The following DHRS1 variants were observed in gnomAD, a reference collection of about 807,000 sequenced individuals.
DHRS1 encodes the protein dehydrogenase/reductase SDR family member 1.
Under a neutral mutation model 35.2 loss-of-function variants are expected in DHRS1, and 34 were observed. The ratio of observed to expected loss-of-function variants is 0.97; its 90% CI spans 0.74 to 1.29. The LOEUF (loss-of-function observed/expected upper bound fraction) is 1.29. Ranked by LOEUF, DHRS1 falls within the 50% of genes most tolerant of loss-of-function variation. The pLI is 0.00. For missense variants in DHRS1, 354 were observed against 403.6 expected (o/e 0.88, Z 1.05); for synonymous variants, 133 against 160.0 (o/e 0.83, Z 1.27).
chr14:24,294,589 A>AAACAAC (rs56905533), intron 4 of DHRS1: 19,061 of 150,346 alleles, frequency 0.13, 1,527 homozygotes, highest in East Asian at 0.43. Flanking sequence ...TTCCACCTCA[A>AAACAAC]AACAACAACA....
Position 24,291,130 on chromosome 14 carries a change from G to C in DHRS1, c.805+9C>G, listed in dbSNP as rs762131126. 1 of 1,614,060 alleles carries C rather than the reference G, an allele frequency of 6.2e-7. No homozygotes were observed. The highest frequency in any genetic ancestry group is 8.5e-7 in the Non-Finnish European group (1 of 1,180,012). On this transcript the variant is annotated intron_variant, in intron 8 of 8. Coordinates refer to ENST00000288111, the MANE Select transcript of DHRS1 (RefSeq NM_001136050.3). The stretch of plus-strand genomic sequence containing the variant: ...CAGTCAAGGCTGACTGCTGTGCCAG[G>C]GTCCTCACCGTCCACATCCCGAAGG...
In DHRS1 at chr14:24,292,262, C is replaced by G; in HGVS notation, c.576G>C (p.Trp192Cys). Residue 192 changes from tryptophan (W) to cysteine (C), a missense_variant, in exon 6 of 9, where the codon TGG becomes TGC. Coordinates refer to ENST00000288111, the MANE Select transcript of DHRS1 (RefSeq NM_001136050.3). Reference protein sequence around the residue: ...RRHGVSCVSLWPGIVQTELLK... With the variant: ...RRHGVSCVSLCPGIVQTELLK... ...GCAGTTCTGTCTGCACAATCCCCGG[C>G]CACAGAGACACACAGCTGACCCCAT... 6.2e-7 allele frequency: 1 copy of G among 1,614,190 alleles called. No individual in the cohort carries two copies. The highest frequency in any genetic ancestry group is 1.1e-5 in the South Asian group (1 of 91,080).
At chr14:24,297,621 T>C in intron 2 of DHRS1, among the ~76,000 whole-genome samples, 1 of 152,200 alleles carries the variant, frequency 6.6e-6, no homozygotes, top group South Asian at 2.1e-4. Context: ...ACACAAACCC[T>C]GTTCAAAATC....
Position 24,296,741 on chromosome 14 carries a change from G to C in DHRS1, c.291C>G (p.Val97=). Reference sequence around the variant, plus strand: ...GGGAACAAAGTTCAAAGGGTACCTGGACCCCTGCATAAGCATTGTTGACCA... The same window carrying C: ...GGGAACAAAGTTCAAAGGGTACCTGCACCCCTGCATAAGCATTGTTGACCA... The part of the protein sequence containing the change: ...DVLVNNAYAG[V]QTILNTRNKA... Residue 97 remains valine, a synonymous_variant, in exon 3 of 9, where the codon GTC becomes GTG. Transcript: ENST00000288111. 6.2e-7 allele frequency: 1 copy of C among 1,614,194 alleles called. No homozygotes were observed. The highest frequency in any genetic ancestry group is 8.5e-7 in the Non-Finnish European group (1 of 1,180,032).
intron 6 of DHRS1, chr14:24,291,882 T>C: frequency 3.3e-6 from 2 of 605,406 alleles, no homozygotes; most frequent in Non-Finnish European, 5.8e-6. Context: ...AAATAGTGTT[T>C]GGACCTTCTA....
At position 24,292,217 on chromosome 14, in the gene DHRS1, C is replaced by A; in HGVS notation, c.621G>T (p.Lys207Asn). The A allele has an allele frequency of 6.2e-7, 1 of 1,614,190 alleles. No homozygotes were observed. The highest frequency in any genetic ancestry group is 8.5e-7 in the Non-Finnish European group (1 of 1,180,034). ...ACACAGGATCCTGCAGGACCTCCTC[C>A]TTTGCCATATGCTCCTTCAGCAGTT... Reference protein sequence around the residue: ...QTELLKEHMAKEEVLQDPVLK... With the variant: ...QTELLKEHMANEEVLQDPVLK... Residue 207 changes from lysine (K) to asparagine (N), a missense_variant, in exon 6 of 9, where the codon AAG (lysine) becomes AAT (asparagine). Physicochemically the swap from Lys to Asn is moderately conservative, Grantham distance 94 (BLOSUM62 0). Transcript: ENST00000288111.
At position 24,299,728 on chromosome 14, in the gene DHRS1, G is replaced by A. The variant is rs562664879; in HGVS notation, c.-172C>T. On this transcript the variant is annotated 5_prime_UTR_variant, in exon 1 of 9. Coordinates refer to ENST00000288111, the MANE Select transcript of DHRS1 (RefSeq NM_001136050.3). ...CGGGGCGATTCTGTGCTGAGGTAGA[G>A]GGGCAGAGTCCCAGGCCAAAGTTAG... 1 of 513,178 alleles carries A rather than the reference G, an allele frequency of 1.9e-6. No homozygotes were observed. Among genetic ancestry groups the A allele is most frequent in the Non-Finnish European group, 3.4e-6 (1 of 292,354 alleles). The allele number at this position is 513,178 out of a possible 1,614,324, so 31.8% of individuals were successfully genotyped here. A position where few individuals can be genotyped will look rare whatever the true frequency, so the allele number is the denominator to read the frequency against.
rs45579332 is a variant in DHRS1 at position 24,299,743 on chromosome 14, G to C, written c.-187C>G. On this transcript the variant is annotated 5_prime_UTR_variant, in exon 1 of 9. Transcript: ENST00000288111. Reference sequence around the variant, plus strand: ...CTGAGGTAGAGGGGCAGAGTCCCAGGCCAAAGTTAGAACCTGCGGATGGGG... The same window carrying C: ...CTGAGGTAGAGGGGCAGAGTCCCAGCCCAAAGTTAGAACCTGCGGATGGGG... 20 of 475,544 alleles carry C rather than the reference G, an allele frequency of 4.2e-5. No homozygotes were observed. The highest frequency in any genetic ancestry group is 3.2e-5 in the Non-Finnish European group (9 of 281,606). 29.5% of individuals were successfully genotyped at this position (475,544 alleles called of 1,614,324 possible). A position where few individuals can be genotyped will look rare whatever the true frequency, so the allele number is the denominator to read the frequency against.
chr14:24,292,571 C>T (rs1350484039), intron 5 of DHRS1, 81 bp downstream of exon 5: 4 of 1,609,752 alleles, frequency 2.5e-6, no homozygotes, highest in Non-Finnish European at 3.4e-6. Context: ...ACCATTCTGA[C>T]CACTGGGGAT....
Position 24,298,857 on chromosome 14 carries a change from T to C in DHRS1, c.150+100A>G, listed in dbSNP as rs1273729131. On this transcript the variant is annotated intron_variant, in intron 2 of 8. Transcript: ENST00000288111. ...GAATAAATATTCACATCTTGTTGAG[T>C]AGTATTATAGTTTCAGGTAAGGGAT... The C allele has an allele frequency of 2.4e-6, 3 of 1,231,186 alleles. 1 individual carries two copies. Among genetic ancestry groups the C allele is most frequent in the African/African-American group, 3.1e-5 (2 of 65,344 alleles). 76.3% of individuals were successfully genotyped at this position (1,231,186 alleles called of 1,614,324 possible). A position where few individuals can be genotyped will look rare whatever the true frequency, so the allele number is the denominator to read the frequency against.
rs748405116 is a variant in DHRS1, at chr14:24,296,921, G to A, written c.151-40C>T. On this transcript the variant is annotated intron_variant, in intron 2 of 8. Coordinates refer to ENST00000288111, the MANE Select transcript of DHRS1 (RefSeq NM_001136050.3). ...GGGATATGAGCTCACATTCACACAT[G>A]GGTGTGAGTCATGACAAAACTCCCC... 1.2e-5 allele frequency: 19 copies of A among 1,612,190 alleles called. No homozygotes were observed. The South Asian group carries it at 1.9e-4, about 16-fold the overall frequency.
rs531376211 is a variant in DHRS1 at position 24,292,250 on chromosome 14, C to G, written c.588G>C (p.Val196=). ...TATGCTCCTTCAGCAGTTCTGTCTG[C>G]ACAATCCCCGGCCACAGAGACACAC... ...VSCVSLWPGI[V]QTELLKEHMA... Residue 196 remains valine (V), a synonymous_variant, in exon 6 of 9, where the codon GTG becomes GTC. Transcript: ENST00000288111. 4.3e-6 allele frequency: 7 copies of G among 1,614,190 alleles called. No homozygotes were observed. The highest frequency in any genetic ancestry group is 2.7e-5 in the African/African-American group (2 of 75,042).
chr14:24,296,723 A>AAGTTCAAAGGGTACC lies in DHRS1; in HGVS notation c.294_294+14dup. 6.2e-7 allele frequency: 1 copy of AAGTTCAAAGGGTACC among 1,614,146 alleles called. No homozygotes were observed. The highest frequency in any genetic ancestry group is 1.1e-5 in the South Asian group (1 of 91,084). ...GGTCAGAAATGTGGAGTTGGGAACA[A>AAGTTCAAAGGGTACC]AGTTCAAAGGGTACCTGGACCCCTG... On this transcript the variant is annotated intron_variant, in intron 3 of 8. Transcript: ENST00000288111.
chr14:24,291,873 A>G, intron 6 of DHRS1: 3 of 608,152 alleles, frequency 4.9e-6, no homozygotes, highest in Non-Finnish European at 8.7e-6. Flanking sequence ...GGTAGTGCCA[A>G]ATAGTGTTTG....
At chr14:24,293,289 G>C (rs1457392326) in intron 4 of DHRS1, 1 of 153,220 alleles carries the variant, frequency 6.5e-6, no homozygotes, top group Non-Finnish European at 1.5e-5. Context: ...AGAACAGCCA[G>C]AAAAGCTGGG....
chr14:24,291,877 G>A, intron 6 of DHRS1: 1 of 606,298 alleles, frequency 1.6e-6, no homozygotes, highest in South Asian at 2.0e-5. Flanking sequence ...GTGCCAAATA[G>A]TGTTTGGACC....
chr14:24,292,523 T>C, intron 5 of DHRS1, 129 bp downstream of exon 5: 1 of 1,547,348 alleles, frequency 6.5e-7, no homozygotes, highest in Non-Finnish European at 8.9e-7. Flanking sequence ...GAACTGTCCA[T>C]GGATGAGGCA....
chr14:24,298,847 T>A, intron 2 of DHRS1, 110 bp downstream of exon 2: 1 of 1,196,902 alleles, frequency 8.4e-7, no homozygotes, highest in Admixed American at 2.9e-5. Context: ...AATATTCACA[T>A]CTTGTTGAGT....
rs1023570787 is a variant in DHRS1, at chr14:24,292,849, C to T, written c.375-65G>A. 5.2e-6 allele frequency: 8 copies of T among 1,540,260 alleles called. 1 individual carries two copies. The Admixed American group carries it at 6.6e-5, about 13-fold the overall frequency. On this transcript the variant is annotated intron_variant, in intron 4 of 8. Coordinates refer to ENST00000288111, the MANE Select transcript of DHRS1 (RefSeq NM_001136050.3). ...AGTGCTGGCCTGGGTGCCACAGCCT[C>T]TGGCGGCTTCCCCTGCCTTCTGGTG...
Sources: gnomAD v4.1 joint callset for allele counts (sites outside exome capture counted in the v4.1 genomes callset) on GRCh38, gnomAD v4.1.1 for gene constraint, MANE v1.5 for transcripts, NCBI Gene and HGNC (gene_info 2026-07-23, HGNC 2026-07-21) for gene names.